The following ATP8A2 variants were observed in gnomAD, a reference collection of about 807,000 sequenced individuals.
ATP8A2 encodes the protein phospholipid-transporting ATPase IB.
A neutral mutation model predicts 165.6 loss-of-function variants in ATP8A2; 100 were observed. The ratio of observed to expected loss-of-function variants is 0.60; its 90% CI spans 0.51 to 0.71. ATP8A2 has a LOEUF of 0.71. Ranked by LOEUF, ATP8A2 falls within the 30% of genes least tolerant of loss-of-function variation. The pLI, the probability that ATP8A2 is intolerant of heterozygous loss-of-function variation, is 0.00. For synonymous variants in ATP8A2, 543 were observed against 548.8 expected, an observed-to-expected ratio of 0.99 and a Z score of 0.15; for missense variants, 1,227 against 1,479.5, an observed-to-expected ratio of 0.83 and a Z score of 2.80.
chr13:25,985,862 G>A (rs1351385765), intron 35 of ATP8A2, among the ~76,000 whole-genome samples: 2 of 152,236 alleles, frequency 1.3e-5, no homozygotes, highest in East Asian at 3.9e-4. Flanking sequence ...GTCCATGTAG[G>A]AAGATTGGGG....
intron 2 of ATP8A2, among the ~76,000 whole-genome samples, chr13:25,477,324 G>A (rs1279479069): frequency 6.6e-6 from 1 of 152,134 alleles, no homozygotes; most frequent in East Asian, 1.9e-4. Context: ...TGTGAACTTG[G>A]AAGCATTTAT....
At chr13:25,468,411 C>A (rs61947627) in intron 1 of ATP8A2, among the ~76,000 whole-genome samples, 1 of 151,994 alleles carries the variant, frequency 6.6e-6, no homozygotes, top group Non-Finnish European at 1.5e-5. Context: ...CTGGGGTCTC[C>A]GAAGCCCATT....
At chr13:25,589,158 T>G (rs1418944704) in intron 23 of ATP8A2, among the ~76,000 whole-genome samples, 1 of 152,052 alleles carries the variant, frequency 6.6e-6, no homozygotes, top group Non-Finnish European at 1.5e-5. Flanking sequence ...TTTTTTGAAA[T>G]GTGGATTACT....
At chr13:25,974,872 C>G (rs910510514) in intron 35 of ATP8A2, among the ~76,000 whole-genome samples, 1 of 152,162 alleles carries the variant, frequency 6.6e-6, no homozygotes, top group Non-Finnish European at 1.5e-5. Context: ...TCCCTCTTCA[C>G]CCACCATCCC....
chr13:25,734,870 C>T (rs2043732752), intron 25 of ATP8A2, among the ~76,000 whole-genome samples: 1 of 152,114 alleles, frequency 6.6e-6, no homozygotes, highest in African/African-American at 2.4e-5. Flanking sequence ...AACTCCTGAC[C>T]TCGAGTGATC....
intron 27 of ATP8A2, among the ~76,000 whole-genome samples, chr13:25,783,827 T>A (rs1484472895): frequency 6.6e-6 from 1 of 152,184 alleles, no homozygotes. Flanking sequence ...TGCATTATGC[T>A]GCGGTTTTAT....
intron 25 of ATP8A2, among the ~76,000 whole-genome samples, chr13:25,744,309 A>G (rs1454648306): frequency 2.0e-5 from 3 of 151,340 alleles, no homozygotes; most frequent in Non-Finnish European, 4.4e-5. Flanking sequence ...TGCACATGGC[A>G]TCTGGCTCAC....
At chr13:25,602,107 G>A (rs949339769) in intron 24 of ATP8A2, among the ~76,000 whole-genome samples, 2 of 152,124 alleles carry the variant, frequency 1.3e-5, no homozygotes, top group Non-Finnish European at 2.9e-5. Flanking sequence ...TTGTGTGTGT[G>A]AAGGTAGTAA....
At chr13:25,438,376 G>T (rs1417723507) in intron 1 of ATP8A2, among the ~76,000 whole-genome samples, 1 of 152,178 alleles carries the variant, frequency 6.6e-6, no homozygotes, top group Non-Finnish European at 1.5e-5. Flanking sequence ...GGGCACCATG[G>T]CTCACTCTTG....
intron 33 of ATP8A2, among the ~76,000 whole-genome samples, chr13:25,922,853 C>T (rs1014741430): frequency 1.3e-5 from 2 of 152,170 alleles, no homozygotes; most frequent in Non-Finnish European, 2.9e-5. Flanking sequence ...CTGTGACAGA[C>T]ACAAATTCTA....
chr13:25,736,028 A>G (rs1042404680), intron 25 of ATP8A2, among the ~76,000 whole-genome samples: 4 of 152,192 alleles, frequency 2.6e-5, no homozygotes, highest in Non-Finnish European at 5.9e-5. Flanking sequence ...ATGTGTTTAG[A>G]TACACAAATA....
chr13:25,382,591 C>T (rs1353360178), intron 1 of ATP8A2, among the ~76,000 whole-genome samples: 1 of 152,218 alleles, frequency 6.6e-6, no homozygotes, highest in Non-Finnish European at 1.5e-5. Context: ...TCCTCACCAG[C>T]ATTTGGTGCT....
chr13:25,984,191 C>T (rs1462522784), intron 35 of ATP8A2, among the ~76,000 whole-genome samples: 2 of 151,314 alleles, frequency 1.3e-5, no homozygotes, highest in African/African-American at 2.4e-5. Context: ...GAGCTGTGAT[C>T]GCACCACTGC....
intron 1 of ATP8A2, among the ~76,000 whole-genome samples, chr13:25,433,201 A>G (rs2034663191): frequency 6.6e-6 from 1 of 152,158 alleles, no homozygotes; most frequent in South Asian, 2.1e-4. Context: ...GAGAGAAGGA[A>G]GTGTTATGGA....
intron 24 of ATP8A2, among the ~76,000 whole-genome samples, chr13:25,693,082 C>A (rs1176578616): frequency 3.9e-5 from 6 of 152,120 alleles, no homozygotes; most frequent in African/African-American, 1.4e-4. Flanking sequence ...CAGTAATTGG[C>A]TTTTTATTAA....
chr13:26,005,720 G>A (rs1956724530), intron 35 of ATP8A2, among the ~76,000 whole-genome samples: 1 of 151,922 alleles, frequency 6.6e-6, no homozygotes, highest in African/African-American at 2.4e-5. Context: ...CAATTCCATT[G>A]TTTGGCATGT....
intron 1 of ATP8A2, among the ~76,000 whole-genome samples, chr13:25,430,174 C>T (rs192183406): frequency 5.3e-5 from 8 of 152,170 alleles, no homozygotes; most frequent in East Asian, 1.9e-4. Context: ...AATGTGGGCT[C>T]GGGTCCATGA....
intron 10 of ATP8A2, among the ~76,000 whole-genome samples, chr13:25,549,954 T>A (rs1351166227): frequency 4.6e-5 from 7 of 152,166 alleles, no homozygotes; most frequent in Non-Finnish European, 1.0e-4. Context: ...TCTCTCCCTG[T>A]CTCACAGTTG....
At chr13:26,006,551 A>G (rs1956742434) in intron 35 of ATP8A2, among the ~76,000 whole-genome samples, 1 of 152,002 alleles carries the variant, frequency 6.6e-6, no homozygotes, top group Non-Finnish European at 1.5e-5. Flanking sequence ...AGTTTGTTGA[A>G]TAGAAGTGCT....
Sources: gnomAD v4.1 joint callset for allele counts (sites outside exome capture counted in the v4.1 genomes callset) on GRCh38, gnomAD v4.1.1 for gene constraint, MANE v1.5 for transcripts, NCBI Gene and HGNC (gene_info 2026-07-23, HGNC 2026-07-21) for gene names.